CDH13: variants seen among roughly 807,000 people sequenced by gnomAD.
CDH13 encodes the protein cadherin-13.
Under a neutral mutation model 63.8 loss-of-function variants are expected in CDH13, and 24 were observed. That is an observed-to-expected ratio of 0.38 (90% CI 0.27 to 0.53). CDH13 has a LOEUF of 0.53. Ranked by LOEUF, CDH13 falls within the 20% of genes least tolerant of loss-of-function variation. The pLI, the probability that CDH13 is intolerant of heterozygous loss-of-function variation, is 0.85. For synonymous variants in CDH13, 503 were observed against 355.3 expected (o/e 1.42, Z -4.67); for missense variants, 1,049 against 903.1 (o/e 1.16, Z -2.07).
chr16:83,057,140 T>A (rs527786683), intron 3 of CDH13, among the ~76,000 whole-genome samples: 1 of 152,094 alleles, frequency 6.6e-6, no homozygotes. Context: ...CTAATTTTTA[T>A]ATTTTTAGGA....
chr16:83,708,407 G>A (rs1279160314), intron 10 of CDH13, among the ~76,000 whole-genome samples: 1 of 152,196 alleles, frequency 6.6e-6, no homozygotes, highest in African/African-American at 2.4e-5. Flanking sequence ...GGTTAAGCCA[G>A]TCCTTTCACT....
At chr16:83,106,896 A>AAT (rs149848723) in intron 3 of CDH13, among the ~76,000 whole-genome samples, 14,005 of 150,974 alleles carry the variant, frequency 0.093, 717 homozygotes, top group African/African-American at 0.13. Context: ...TATGTGGATG[A>AAT]TTTTTTTTTT....
intron 5 of CDH13, among the ~76,000 whole-genome samples, chr16:83,227,974 G>T (rs571114237): frequency 6.6e-6 from 1 of 152,272 alleles, no homozygotes; most frequent in South Asian, 2.1e-4. Context: ...GTGACGATCA[G>T]GTGGCCCTAA....
intron 6 of CDH13, among the ~76,000 whole-genome samples, chr16:83,351,280 C>CTT (rs5818442): frequency 1.0e-3 from 140 of 135,046 alleles, no homozygotes; most frequent in African/African-American, 2.1e-3. Context: ...GTGGCTATTT[C>CTT]TTTTTTTTTT....
At chr16:82,827,991 G>C (rs958348902) in intron 1 of CDH13, among the ~76,000 whole-genome samples, 1 of 152,134 alleles carries the variant, frequency 6.6e-6, no homozygotes. Context: ...TTGACACAGA[G>C]AGTCTCACAC....
intron 1 of CDH13, among the ~76,000 whole-genome samples, chr16:82,849,486 G>A (rs2039394534): frequency 6.6e-6 from 1 of 152,174 alleles, no homozygotes; most frequent in South Asian, 2.1e-4. Flanking sequence ...TGGTGACAGA[G>A]TGAGACTCCG....
chr16:82,869,108 G>T (rs552639534), intron 2 of CDH13, among the ~76,000 whole-genome samples: 1 of 152,078 alleles, frequency 6.6e-6, no homozygotes, highest in Non-Finnish European at 1.5e-5. Context: ...GTGCAGTGGC[G>T]CAATCTCAAC....
intron 7 of CDH13, among the ~76,000 whole-genome samples, chr16:83,593,262 G>T (rs1200620785): frequency 6.6e-6 from 1 of 152,132 alleles, no homozygotes; most frequent in African/African-American, 2.4e-5. Flanking sequence ...TCATGTTAAT[G>T]TTTCTCATTA....
At chr16:83,059,879 C>G (rs1171249611) in intron 3 of CDH13, among the ~76,000 whole-genome samples, 5 of 149,680 alleles carry the variant, frequency 3.3e-5, no homozygotes, top group South Asian at 4.3e-4. Flanking sequence ...ACTGCAAACT[C>G]CACCTCCTGG....
At chr16:83,423,817 G>A (rs928291540) in intron 6 of CDH13, among the ~76,000 whole-genome samples, 1 of 152,194 alleles carries the variant, frequency 6.6e-6, no homozygotes, top group Non-Finnish European at 1.5e-5. Flanking sequence ...GAGCATTCCT[G>A]CCAATCTTTG....
At chr16:83,565,618 G>C (rs1240105143) in intron 7 of CDH13, among the ~76,000 whole-genome samples, 1 of 151,976 alleles carries the variant, frequency 6.6e-6, no homozygotes, top group Non-Finnish European at 1.5e-5. Context: ...GAAGGTGATG[G>C]ATTTTCATCT....
chr16:83,129,574 C>A (rs1437646393), intron 4 of CDH13, among the ~76,000 whole-genome samples: 2 of 152,174 alleles, frequency 1.3e-5, no homozygotes, highest in Non-Finnish European at 2.9e-5. Flanking sequence ...CAGCGTTACA[C>A]CACCCCCAGG....
At chr16:83,227,946 A>T (rs1173018178) in intron 5 of CDH13, among the ~76,000 whole-genome samples, 1 of 152,152 alleles carries the variant, frequency 6.6e-6, no homozygotes, top group Non-Finnish European at 1.5e-5. Flanking sequence ...CTGTCAATCT[A>T]CAGGCATTAG....
At chr16:82,843,152 A>T (rs370571162) in intron 1 of CDH13, among the ~76,000 whole-genome samples, 1 of 152,242 alleles carries the variant, frequency 6.6e-6, no homozygotes, top group Non-Finnish European at 1.5e-5. Flanking sequence ...CAAAGAAGGT[A>T]TCAGCATGTC....
chr16:82,718,024 A>G (rs2032506262), intron 1 of CDH13, among the ~76,000 whole-genome samples: 1 of 152,220 alleles, frequency 6.6e-6, no homozygotes, highest in Non-Finnish European at 1.5e-5. Flanking sequence ...TTCCCACAGA[A>G]GCAGACCCTG....
chr16:83,353,726 C>T (rs1057410542), intron 6 of CDH13, among the ~76,000 whole-genome samples: 1 of 152,226 alleles, frequency 6.6e-6, no homozygotes, highest in African/African-American at 2.4e-5. Flanking sequence ...CCTGGACTAG[C>T]CTATGTATCT....
chr16:82,785,169 G>A (rs1334146208), intron 1 of CDH13, among the ~76,000 whole-genome samples: 1 of 152,140 alleles, frequency 6.6e-6, no homozygotes, highest in East Asian at 1.9e-4. Context: ...AGTTGAAACG[G>A]AGAGACATAA....
intron 10 of CDH13, among the ~76,000 whole-genome samples, chr16:83,703,504 A>C (rs1002916992): frequency 3.3e-5 from 5 of 152,240 alleles, no homozygotes; most frequent in African/African-American, 1.2e-4. Context: ...CTGAAGTGAC[A>C]AAAGTGGGAC....
intron 4 of CDH13, among the ~76,000 whole-genome samples, chr16:83,126,213 G>A (rs72798391): frequency 0.082 from 12,490 of 152,190 alleles, 577 homozygotes; most frequent in Non-Finnish European, 0.095. Context: ...TTACTTCTGC[G>A]GAAGGGTGCT....
Sources: allele counts gnomAD v4.1 joint callset (sites outside exome capture counted in the v4.1 genomes callset), GRCh38; gene constraint gnomAD v4.1.1; transcripts MANE v1.5; gene names NCBI Gene and HGNC (gene_info 2026-07-23, HGNC 2026-07-21).